Variants in GAS6 observed in about 807,000 individuals in gnomAD.
The protein encoded by GAS6 is growth arrest-specific protein 6.
In GAS6, 41 loss-of-function variants were observed where a neutral mutation model predicts 75.8. The ratio of observed to expected loss-of-function variants is 0.54; its 90% confidence interval spans 0.42 to 0.70. The LOEUF (loss-of-function observed/expected upper bound fraction) is 0.70, where lower values mean the gene tolerates loss of function less well. Ranked by LOEUF, GAS6 falls within the 30% of genes least tolerant of loss-of-function variation. GAS6 has a pLI of 0.00. For missense variants in GAS6, 854 were observed against 940.2 expected, an observed-to-expected ratio of 0.91 and a Z score of 1.20; for synonymous variants, 432 against 412.6, an observed-to-expected ratio of 1.05 and a Z score of -0.57.
At chr13:113,861,709 C>T (rs752154645) in intron 2 of GAS6, among the ~76,000 whole-genome samples, 35 of 152,192 alleles carry the variant, frequency 2.3e-4, no homozygotes, top group Non-Finnish European at 4.3e-4. Flanking sequence ...TGCCCCTGCC[C>T]CTGCCCCAAC....
chr13:113,859,522 ATG>A (rs1259496806), intron 2 of GAS6, among the ~76,000 whole-genome samples: 6 of 148,192 alleles, frequency 4.0e-5, no homozygotes, highest in South Asian at 2.2e-4. Context: ...GTGCCTGTTT[ATG>A]TGTGTGCATG....
At chr13:113,862,355 T>C (rs898361185) in intron 2 of GAS6, among the ~76,000 whole-genome samples, 1 of 152,160 alleles carries the variant, frequency 6.6e-6, no homozygotes, top group Non-Finnish European at 1.5e-5. Flanking sequence ...GTGAGGACGC[T>C]GTTGGAGGAC....
chr13:113,833,860 C>T (rs1010257974), intron 8 of GAS6: 77 of 1,024,626 alleles, frequency 7.5e-5, no homozygotes, highest in Admixed American at 6.2e-4. Flanking sequence ...TGTGACAGGT[C>T]GGTGTGAGAC....
intron 2 of GAS6, among the ~76,000 whole-genome samples, chr13:113,852,622 A>T (rs960007995): frequency 6.6e-5 from 10 of 152,166 alleles, no homozygotes; most frequent in African/African-American, 2.4e-4. Flanking sequence ...TGCCGGCAGA[A>T]TCCATGGGAA....
At position 113,848,580 on chromosome 13, in the gene GAS6, G is replaced by A. The variant is rs138474528; in HGVS notation, c.256-530C>T. On this transcript the variant is annotated intron_variant, in intron 2 of 14. Coordinates refer to ENST00000327773, the MANE Select transcript of GAS6 (RefSeq NM_000820.4). This position sits in a 1 kb window ranked among gnomAD's most constrained non-coding sequence, Gnocchi z 4.8. ...TGTCGAGTCCTGGAACCACCTGCCTGTCACTTGGCCAGCAGAGGCCGGCCG... is the reference window on the plus strand; with the variant it reads ...TGTCGAGTCCTGGAACCACCTGCCTATCACTTGGCCAGCAGAGGCCGGCCG... Among the ~76,000 whole-genome samples, 509 of 152,262 alleles carry A rather than the reference G, an allele frequency of 3.3e-3. 2 individuals are homozygous for A. Among genetic ancestry groups the A allele is most frequent in the African/African-American group, 0.011 (471 of 41,540 alleles).
chr13:113,835,797 C>A, intron 6 of GAS6, 162 bp from the exon 7 acceptor site: 1 of 1,426,092 alleles, frequency 7.0e-7, no homozygotes, highest in Non-Finnish European at 9.1e-7. Flanking sequence ...CTCCCCTGAC[C>A]GGGCAGCTCC....
intron 13 of GAS6, 31 bp from the exon 14 acceptor site, chr13:113,822,217 G>T: frequency 6.8e-7 from 1 of 1,476,396 alleles, no homozygotes; most frequent in Non-Finnish European, 9.1e-7. Context: ...GTCAGGGCCT[G>T]CCGGCCACCC....
intron 11 of GAS6, 22 bp downstream of exon 11, chr13:113,828,525 C>T (rs371866967): frequency 1.9e-6 from 3 of 1,604,166 alleles, no homozygotes; most frequent in African/African-American, 1.3e-5. Flanking sequence ...CGCGTCTACA[C>T]AGGGACAGGT....
chr13:113,842,801 G>A (rs1328812104), intron 4 of GAS6: 1 of 396,858 alleles, frequency 2.5e-6, no homozygotes, highest in Non-Finnish European at 4.4e-6. Flanking sequence ...CATTTCAGAA[G>A]TGGACACCTG....
intron 3 of GAS6, chr13:113,847,179 C>A (rs74507429): frequency 0.017 from 4,940 of 296,846 alleles, 261 homozygotes; most frequent in African/African-American, 0.1. Flanking sequence ...AGGCGCAGAA[C>A]GGCACGGATG....
At chr13:113,829,043 T>C (rs113708085) in intron 10 of GAS6, among the ~76,000 whole-genome samples, 964 of 40,050 alleles carry the variant, frequency 0.024, 60 homozygotes, top group African/African-American at 0.057. Flanking sequence ...CAAGAGGGTC[T>C]CAATCTCAGG....
intron 2 of GAS6, among the ~76,000 whole-genome samples, chr13:113,852,463 G>A (rs1026955686): frequency 1.3e-5 from 2 of 152,198 alleles, no homozygotes; most frequent in African/African-American, 4.8e-5. Context: ...AGGGAGCTGA[G>A]CCCCAGGACA....
chr13:113,834,882 G>A (rs2138635910), intron 7 of GAS6: 1 of 440,124 alleles, frequency 2.3e-6, no homozygotes, highest in Non-Finnish European at 3.8e-6. Flanking sequence ...TTTCTTGAGG[G>A]AATAAAAATG....
At chr13:113,821,310 A>G in intron 14 of GAS6, 1 of 455,392 alleles carries the variant, frequency 2.2e-6, no homozygotes, top group East Asian at 3.6e-5. Flanking sequence ...TGAGTCATTC[A>G]GGCTGCAGGC....
chr13:113,845,929 T>C lies in GAS6; in HGVS notation c.343+598A>G, dbSNP rs2051830224. Among the ~76,000 whole-genome samples the C allele has an allele frequency of 1.3e-5, 2 of 152,238 alleles. No homozygotes were observed. ...GAGGACTGCCTCTGCGATTCCATCC[T>C]TGGGAACGCATCCCGCAGACACTCA... On this transcript the variant is annotated intron_variant, in intron 4 of 14. Coordinates refer to ENST00000327773, the MANE Select transcript of GAS6 (RefSeq NM_000820.4). The surrounding 1 kb of genome is among the most constrained non-coding windows in gnomAD (Gnocchi z 4.3).
intron 2 of GAS6, among the ~76,000 whole-genome samples, chr13:113,850,029 C>T (rs1484526401): frequency 1.3e-5 from 2 of 152,202 alleles, no homozygotes; most frequent in African/African-American, 4.8e-5. Context: ...GAAAGAAAGA[C>T]ATTTCACGTT....
intron 2 of GAS6, among the ~76,000 whole-genome samples, chr13:113,854,083 G>T (rs995175595): frequency 2.0e-5 from 3 of 152,206 alleles, no homozygotes; most frequent in African/African-American, 7.2e-5. Context: ...TCTGCACCCA[G>T]GGTCAGCGGT....
chr13:113,820,587 T>C lies in GAS6; in HGVS notation c.*277A>G. 3 of 444,702 alleles carry C rather than the reference T, an allele frequency of 6.7e-6. No individual in the cohort carries two copies. The highest frequency in any genetic ancestry group is 4.0e-6 in the Non-Finnish European group (1 of 249,424). 27.5% of individuals were successfully genotyped at this position (444,702 alleles called of 1,614,324 possible). A position where few individuals can be genotyped will look rare whatever the true frequency, so the allele number is the denominator to read the frequency against. On this transcript the variant is annotated 3_prime_UTR_variant, in exon 15 of 15. Coordinates refer to ENST00000327773, the MANE Select transcript of GAS6 (RefSeq NM_000820.4). Reference sequence around the variant, plus strand: ...TGTAAATATTTTATTTTCCATATTTTAGAGTCAGAAAGAAGCGCTTGGTAA... The same window carrying C: ...TGTAAATATTTTATTTTCCATATTTCAGAGTCAGAAAGAAGCGCTTGGTAA...
intron 2 of GAS6, among the ~76,000 whole-genome samples, chr13:113,862,054 GT>G (rs2051975944): frequency 6.6e-6 from 1 of 152,194 alleles, no homozygotes; most frequent in South Asian, 2.1e-4. Context: ...CCTGAGTGCT[GT>G]TTTCATTTTC....
Sources: gnomAD v4.1 joint callset for allele counts (sites outside exome capture counted in the v4.1 genomes callset) on GRCh38, gnomAD v4.1.1 for gene constraint, Gnocchi (gnomAD v3.1) non-coding constraint, MANE v1.5 for transcripts, NCBI Gene and HGNC (gene_info 2026-07-23, HGNC 2026-07-21) for gene names.